Variants in MYO1D observed in about 807,000 individuals in gnomAD.
MYO1D encodes myosin ID.
A neutral mutation model predicts 122.0 loss-of-function variants in MYO1D; 83 were observed. The observed-to-expected ratio is 0.68, with a 90% CI of 0.57 to 0.82. The LOEUF (loss-of-function observed/expected upper bound fraction) is 0.82, where lower values mean the gene tolerates loss of function less well. Ranked by LOEUF, MYO1D falls within the 40% of genes least tolerant of loss-of-function variation. The probability of loss-of-function intolerance (pLI) is 0.00; values close to 1 mark genes in which losing one functional copy is unlikely to be tolerated. For missense variants in MYO1D, 1,157 were observed against 1,269.5 expected (o/e 0.91, Z 1.35); for synonymous variants, 464 against 446.9 (o/e 1.04, Z -0.48).
In MYO1D at chr17:32,572,676, G is replaced by A. The variant is rs1054912871; in HGVS notation, c.2864+32411C>T. Among the ~76,000 whole-genome samples, 4 of 152,088 alleles carry A rather than the reference G, an allele frequency of 2.6e-5. No individual in the cohort carries two copies. In the South Asian group the frequency reaches 6.2e-4, roughly 24 times the overall value. ...AGGCCTTCAATGATCTGGCCTGGGT[G>A]ATCTCTAACTTCCATCTCCTATACT... On this transcript the variant is annotated intron_variant, in intron 21 of 21. Coordinates refer to ENST00000318217, the MANE Select transcript of MYO1D (RefSeq NM_015194.3).
chr17:32,627,128 T>C (rs995174356), intron 20 of MYO1D, among the ~76,000 whole-genome samples: 28 of 152,184 alleles, frequency 1.8e-4, no homozygotes, highest in African/African-American at 6.8e-4. Context: ...CCAGGACTAC[T>C]GAGAATTAAT....
rs879865273 is a variant in MYO1D, at chr17:32,580,235, G to C, written c.2864+24852C>G. Among the ~76,000 whole-genome samples the C allele has an allele frequency of 5.0e-5, 7 of 139,764 alleles. No homozygotes were observed. In the Admixed American group the frequency reaches 5.1e-4, roughly 10 times the overall value. 91.7% of individuals were successfully genotyped at this position (139,764 alleles called of 152,430 possible). A position where few individuals can be genotyped will look rare whatever the true frequency, so the allele number is the denominator to read the frequency against. Reference sequence around the variant, plus strand: ...GATATTTGCTTTAGATTTTTTCACAGATGTACTTTACCAGGTTGTAGAAGT... The same window carrying C: ...GATATTTGCTTTAGATTTTTTCACACATGTACTTTACCAGGTTGTAGAAGT... On this transcript the variant is annotated intron_variant, in intron 21 of 21. Transcript: ENST00000318217.
At chr17:32,665,434 T>C (rs1464880408) in intron 16 of MYO1D, among the ~76,000 whole-genome samples, 1 of 152,218 alleles carries the variant, frequency 6.6e-6, no homozygotes, top group Admixed American at 6.5e-5. Flanking sequence ...TTAATAATAT[T>C]TGCCGAATGA....
At chr17:32,667,079 G>T (rs1038261767) in intron 16 of MYO1D, among the ~76,000 whole-genome samples, 1 of 152,196 alleles carries the variant, frequency 6.6e-6, no homozygotes, top group Non-Finnish European at 1.5e-5. Context: ...AAAAGTTGTG[G>T]TAGAGGAGGG....
intron 21 of MYO1D, among the ~76,000 whole-genome samples, chr17:32,541,745 CTT>C (rs1910843045): frequency 6.6e-6 from 1 of 152,118 alleles, no homozygotes; most frequent in Admixed American, 6.5e-5. Context: ...TGTGTGCATT[CTT>C]ATTATTCACC....
chr17:32,689,771 T>C (rs1215387467), intron 16 of MYO1D, among the ~76,000 whole-genome samples: 1 of 151,830 alleles, frequency 6.6e-6, no homozygotes, highest in Non-Finnish European at 1.5e-5. Flanking sequence ...CAGGCTGGAG[T>C]GCAGCAGCAC....
intron 1 of MYO1D, among the ~76,000 whole-genome samples, chr17:32,842,914 A>C (rs1390596584): frequency 2.7e-5 from 3 of 111,756 alleles, no homozygotes; most frequent in Non-Finnish European, 5.1e-5. Context: ...TTTGAGATGG[A>C]GTCTCGCTCT....
rs1279296253 is a variant in MYO1D, at chr17:32,625,349, CT to C, written c.2709+13372del. ...GAAAGATACCTAATTTTGTGGCTAC[CT>C]CTGGCTCTGAGATTAGAAGAACCTG... is the stretch of plus-strand genomic sequence containing the variant. On this transcript the variant is annotated intron_variant, in intron 20 of 21. Coordinates refer to ENST00000318217, the MANE Select transcript of MYO1D (RefSeq NM_015194.3). Among the ~76,000 whole-genome samples, 33 of 152,204 alleles carry C rather than the reference CT, an allele frequency of 2.2e-4. 1 individual carries two copies. The East Asian group carries it at 5.6e-3, about 26-fold the overall frequency.
intron 21 of MYO1D, among the ~76,000 whole-genome samples, chr17:32,548,351 CGAG>C (rs910438040): frequency 6.6e-6 from 1 of 151,320 alleles, no homozygotes; most frequent in Non-Finnish European, 1.5e-5. Flanking sequence ...TGGCTTGATC[CGAG>C]GAGAAGGAGG....
chr17:32,552,410 A>T (rs909517656), intron 21 of MYO1D, among the ~76,000 whole-genome samples: 2 of 146,626 alleles, frequency 1.4e-5, no homozygotes, highest in Non-Finnish European at 3.1e-5. Flanking sequence ...TAATCCATCC[A>T]TCCATCCACC....
At chr17:32,544,288 A>G (rs540141606) in intron 21 of MYO1D, among the ~76,000 whole-genome samples, 1 of 151,436 alleles carries the variant, frequency 6.6e-6, no homozygotes, top group Non-Finnish European at 1.5e-5. Context: ...ATTTGTAGAG[A>G]CACTGTCTCA....
In MYO1D at chr17:32,494,496, G is replaced by T. The variant is rs1909013577; in HGVS notation, c.*263C>A. The T allele has an allele frequency of 2.1e-6, 1 of 482,942 alleles. No homozygotes were observed. The highest frequency in any genetic ancestry group is 2.0e-5 in the African/African-American group (1 of 50,952). The allele number at this position is 482,942 out of a possible 1,614,324, so 29.9% of individuals were successfully genotyped here. On this transcript the variant is annotated 3_prime_UTR_variant, in exon 22 of 22. Coordinates refer to ENST00000318217, the MANE Select transcript of MYO1D (RefSeq NM_015194.3). Reference sequence around the variant, plus strand: ...AAGGCACCATCCAGTTGCCTCTGGGGTGAGATTGGTCTGGACGTCAGCCCA... The same window carrying T: ...AAGGCACCATCCAGTTGCCTCTGGGTTGAGATTGGTCTGGACGTCAGCCCA...
intron 20 of MYO1D, among the ~76,000 whole-genome samples, chr17:32,610,453 C>T (rs889640797): frequency 9.2e-5 from 14 of 152,334 alleles, no homozygotes; most frequent in African/African-American, 2.6e-4. Flanking sequence ...GCACCCAGAA[C>T]GTCCCCTTTA....
chr17:32,634,432 G>T (rs1005167922), intron 20 of MYO1D, among the ~76,000 whole-genome samples: 3 of 152,214 alleles, frequency 2.0e-5, no homozygotes, highest in Non-Finnish European at 4.4e-5. Context: ...CCTATCACTG[G>T]TGACCCATGG....
intron 11 of MYO1D, among the ~76,000 whole-genome samples, chr17:32,749,307 T>C (rs1340624535): frequency 2.0e-5 from 3 of 152,232 alleles, no homozygotes; most frequent in African/African-American, 7.2e-5. Context: ...ATGATTCCCC[T>C]CTGTGCTTTC....
intron 20 of MYO1D, among the ~76,000 whole-genome samples, chr17:32,607,321 A>G (rs1219348709): frequency 6.6e-6 from 1 of 152,230 alleles, no homozygotes. Context: ...CAAGGCTGAC[A>G]TACAAAAATA....
chr17:32,774,975 T>G (rs1216633755), intron 4 of MYO1D, among the ~76,000 whole-genome samples: 1 of 152,158 alleles, frequency 6.6e-6, no homozygotes, highest in East Asian at 1.9e-4. Context: ...TGTATTCTCT[T>G]GCAGTCATGT....
intron 14 of MYO1D, among the ~76,000 whole-genome samples, chr17:32,721,667 T>C (rs991973169): frequency 3.9e-5 from 6 of 152,200 alleles, no homozygotes; most frequent in Admixed American, 3.9e-4. Context: ...CAGCCATCAT[T>C]ATTAATATTA....
At chr17:32,535,385 ACACTTTTTG>A (rs1019852943) in intron 21 of MYO1D, among the ~76,000 whole-genome samples, 1 of 152,254 alleles carries the variant, frequency 6.6e-6, no homozygotes, top group African/African-American at 2.4e-5. Flanking sequence ...AATTAAAAAC[ACACTTTTTG>A]AAACATAGGC....
Sources: allele counts gnomAD v4.1 joint callset (sites outside exome capture counted in the v4.1 genomes callset), GRCh38; gene constraint gnomAD v4.1.1; transcripts MANE v1.5; gene names NCBI Gene and HGNC (gene_info 2026-07-23, HGNC 2026-07-21).